TTC28: variants seen among roughly 807,000 people sequenced by gnomAD.
The protein encoded by TTC28 is tetratricopeptide repeat protein 28.
In TTC28, 61 loss-of-function variants were observed where a neutral mutation model predicts 198.0. The observed-to-expected ratio is 0.31, with a 90% CI of 0.25 to 0.38. TTC28 has a LOEUF of 0.38. Among genes scored for constraint, TTC28 ranks in the 10% least tolerant of loss-of-function variants. The pLI, the probability that TTC28 is intolerant of heterozygous loss-of-function variation, is 1.00. For missense variants in TTC28, 2,678 were observed against 3,164.0 expected, an observed-to-expected ratio of 0.85 and a Z score of 3.69; for synonymous variants, 1,171 against 1,297.8, an observed-to-expected ratio of 0.90 and a Z score of 2.10.
intron 16 of TTC28, among the ~76,000 whole-genome samples, chr22:27,997,220 G>A (rs1274134568): frequency 6.6e-6 from 1 of 152,228 alleles, no homozygotes; most frequent in African/African-American, 2.4e-5. Flanking sequence ...TGCATGCTTC[G>A]CCTGGCAGAA....
chr22:28,292,851 C>A (rs182340621), intron 5 of TTC28, among the ~76,000 whole-genome samples: 3 of 152,256 alleles, frequency 2.0e-5, no homozygotes, highest in African/African-American at 4.8e-5. Flanking sequence ...AGGGAGTAAC[C>A]CCACACCACA....
intron 2 of TTC28, among the ~76,000 whole-genome samples, chr22:28,393,023 C>T (rs1210647439): frequency 1.3e-5 from 2 of 151,984 alleles, no homozygotes; most frequent in Non-Finnish European, 2.9e-5. Context: ...ACCATAGGTG[C>T]AAACCACTAT....
intron 12 of TTC28, among the ~76,000 whole-genome samples, chr22:28,083,231 A>C (rs1384990182): frequency 6.6e-6 from 1 of 152,196 alleles, no homozygotes; most frequent in Non-Finnish European, 1.5e-5. Context: ...TGACAGATAC[A>C]CATACAGATC....
intron 2 of TTC28, among the ~76,000 whole-genome samples, chr22:28,440,055 C>T (rs1309265425): frequency 1.3e-5 from 2 of 152,208 alleles, no homozygotes; most frequent in South Asian, 2.1e-4. Flanking sequence ...AGGCCGGTCT[C>T]GAACTCCTGA....
chr22:28,416,330 G>A (rs2047167541), intron 2 of TTC28, among the ~76,000 whole-genome samples: 1 of 152,100 alleles, frequency 6.6e-6, no homozygotes, highest in African/African-American at 2.4e-5. Flanking sequence ...GAGGATATTA[G>A]AAGAAAATAT....
intron 2 of TTC28, among the ~76,000 whole-genome samples, chr22:28,421,889 CG>C (rs1453890526): frequency 2.7e-5 from 4 of 148,476 alleles, no homozygotes; most frequent in Admixed American, 6.7e-5. Context: ...GAGCAGAGAT[CG>C]CACCACTGCA....
At chr22:28,113,630 T>C (rs1334442219) in intron 6 of TTC28, among the ~76,000 whole-genome samples, 1 of 152,244 alleles carries the variant, frequency 6.6e-6, no homozygotes, top group Non-Finnish European at 1.5e-5. Context: ...ACAGTGGGTA[T>C]GCTTTATAAA....
chr22:28,169,988 A>C lies in TTC28; in HGVS notation c.934-6389T>G, dbSNP rs77081787. 5.0e-4 allele frequency among the ~76,000 whole-genome samples: 76 copies of C among 152,270 alleles called. No individual in the cohort carries two copies. In the East Asian group the frequency reaches 0.011, roughly 21 times the overall value. ...CTATCAGTTTTCCACAGACCTACGC[A>C]GAATTGATAAAGAACACATCCAAAC... On this transcript the variant is annotated intron_variant, in intron 5 of 22. Coordinates refer to ENST00000397906, the MANE Select transcript of TTC28 (RefSeq NM_001145418.2).
At chr22:28,204,834 C>A (rs979197841) in intron 5 of TTC28, among the ~76,000 whole-genome samples, 11 of 152,090 alleles carry the variant, frequency 7.2e-5, no homozygotes, top group African/African-American at 2.4e-4. Context: ...GAAACACAGC[C>A]ATGTATCTAT....
At chr22:28,007,862 G>C (rs1303419506) in intron 14 of TTC28, 2 of 152,244 alleles carry the variant, frequency 1.3e-5, no homozygotes, top group Non-Finnish European at 2.9e-5. Flanking sequence ...TAGTCATACA[G>C]ACAGTTTGCA....
At chr22:28,149,123 G>A (rs1002358766) in intron 6 of TTC28, among the ~76,000 whole-genome samples, 5 of 152,220 alleles carry the variant, frequency 3.3e-5, no homozygotes, top group Non-Finnish European at 7.3e-5. Flanking sequence ...GCTATATGGT[G>A]TAGCCTATTG....
At chr22:28,364,828 G>C (rs2046219948) in intron 2 of TTC28, among the ~76,000 whole-genome samples, 1 of 152,198 alleles carries the variant, frequency 6.6e-6, no homozygotes, top group South Asian at 2.1e-4. Flanking sequence ...GATGAGAAAA[G>C]TAAATGGTTC....
intron 5 of TTC28, among the ~76,000 whole-genome samples, chr22:28,211,505 T>C (rs913249105): frequency 4.6e-5 from 7 of 152,048 alleles, no homozygotes; most frequent in Non-Finnish European, 8.8e-5. Flanking sequence ...AAACAGACTT[T>C]AAATAAACAA....
At chr22:28,533,535 C>T (rs2049192761) in intron 2 of TTC28, among the ~76,000 whole-genome samples, 1 of 151,626 alleles carries the variant, frequency 6.6e-6, no homozygotes, top group African/African-American at 2.4e-5. Flanking sequence ...CAATGACTTT[C>T]TTCACAGAAT....
chr22:28,062,841 T>A (rs1173864196), intron 12 of TTC28, among the ~76,000 whole-genome samples: 3 of 152,230 alleles, frequency 2.0e-5, no homozygotes, highest in African/African-American at 7.2e-5. Context: ...TCATTGAGCA[T>A]ATTTATAATT....
At chr22:28,381,835 T>C (rs1389223315) in intron 2 of TTC28, among the ~76,000 whole-genome samples, 1 of 152,172 alleles carries the variant, frequency 6.6e-6, no homozygotes, top group African/African-American at 2.4e-5. Flanking sequence ...GTTCTATTTA[T>C]ATTTCCAAAA....
chr22:28,634,651 T>A (rs1030819904), intron 1 of TTC28, among the ~76,000 whole-genome samples: 1 of 151,010 alleles, frequency 6.6e-6, no homozygotes, highest in South Asian at 2.1e-4. Flanking sequence ...AGCGGAGTGA[T>A]CTTGGCTCAC....
intron 1 of TTC28, among the ~76,000 whole-genome samples, chr22:28,676,723 T>TAA (rs767914032): frequency 8.2e-6 from 1 of 121,390 alleles, no homozygotes. Flanking sequence ...TTATTAGAAA[T>TAA]AAAAAAAAAA....
At chr22:28,570,581 A>G (rs535640389) in intron 2 of TTC28, among the ~76,000 whole-genome samples, 3 of 152,318 alleles carry the variant, frequency 2.0e-5, no homozygotes, top group African/African-American at 7.2e-5. Context: ...GAGGATCAGA[A>G]AACTACCTAT....
Sources: gnomAD v4.1 joint callset for allele counts (sites outside exome capture counted in the v4.1 genomes callset) on GRCh38, gnomAD v4.1.1 for gene constraint, MANE v1.5 for transcripts, NCBI Gene and HGNC (gene_info 2026-07-23, HGNC 2026-07-21) for gene names.